Variants in ANKRD11 observed in about 807,000 individuals in gnomAD.
The protein encoded by ANKRD11 is ankyrin repeat domain-containing protein 11.
A neutral mutation model predicts 195.7 loss-of-function variants in ANKRD11; 17 were observed. That is an observed-to-expected ratio of 0.09 (90% CI 0.06 to 0.13). ANKRD11 has a LOEUF of 0.13. ANKRD11 is among the 10% of genes least tolerant of loss of function. The pLI is 1.00. For synonymous variants in ANKRD11, 1,953 were observed against 1,528.1 expected, an observed-to-expected ratio of 1.28 and a Z score of -6.49; for missense variants, 3,735 against 3,566.1, an observed-to-expected ratio of 1.05 and a Z score of -1.21.
At chr16:89,459,160 G>T in intron 1 of ANKRD11, 1 of 179,780 alleles carries the variant, frequency 5.6e-6, no homozygotes, top group Non-Finnish European at 1.2e-5. Context: ...CAACCTTCAA[G>T]GTTGGGCCAA....
intron 4 of ANKRD11, among the ~76,000 whole-genome samples, chr16:89,302,690 C>T (rs1018599705): frequency 4.6e-5 from 7 of 152,130 alleles, no homozygotes; most frequent in African/African-American, 1.7e-4. Flanking sequence ...AAATTGGCCC[C>T]GAAAGGGTGA....
Position 89,477,890 on chromosome 16 carries a change from G to A in ANKRD11, c.-145+12355C>T, listed in dbSNP as rs1389445434. 6.6e-5 allele frequency among the ~76,000 whole-genome samples: 10 copies of A among 151,678 alleles called. No individual in the cohort carries two copies. The East Asian group carries it at 9.7e-4, about 15-fold the overall frequency. ...GGAGAACTGCTTGAACGCAGGAGGC[G>A]AAGGTTTCAGTGAGCCAAGATCACG... is the stretch of plus-strand genomic sequence containing the variant. On this transcript the variant is annotated intron_variant, in intron 1 of 12. Coordinates refer to ENST00000301030, the MANE Select transcript of ANKRD11 (RefSeq NM_013275.6).
At chr16:89,302,374 T>G (rs987797873) in intron 4 of ANKRD11, among the ~76,000 whole-genome samples, 1 of 152,180 alleles carries the variant, frequency 6.6e-6, no homozygotes, top group African/African-American at 2.4e-5. Context: ...TGCCTCAGCC[T>G]CCCGAGTAGC....
intron 2 of ANKRD11, among the ~76,000 whole-genome samples, chr16:89,337,178 C>G (rs180709499): frequency 6.6e-6 from 1 of 151,784 alleles, no homozygotes; most frequent in East Asian, 1.9e-4. Context: ...AGAGTGAGAC[C>G]CTGTCTCAAA....
Position 89,281,845 on chromosome 16 carries a change from G to T in ANKRD11, c.4697C>A (p.Ala1566Asp). 1 of 1,614,016 alleles carries T rather than the reference G, an allele frequency of 6.2e-7. No homozygotes were observed. The highest frequency in any genetic ancestry group is 8.5e-7 in the Non-Finnish European group (1 of 1,180,018). ...APSKDPGKKD[A>D]RPREKLLGDG... ...CCCCAGGAGCTTCTCCCTGGGCCTG[G>T]CGTCTTTCTTGCCTGGGTCTTTGGA... Residue 1566 changes from alanine to aspartate, a missense_variant, in exon 9 of 13, where the codon GCC becomes GAC. By Grantham distance (126) the Ala-to-Asp change is moderately radical. Transcript: ENST00000301030. This position sits in a 1 kb window ranked among gnomAD's most constrained non-coding sequence, Gnocchi z 5.5.
chr16:89,359,343 G>A (rs745667982), intron 2 of ANKRD11, among the ~76,000 whole-genome samples: 9 of 152,198 alleles, frequency 5.9e-5, no homozygotes, highest in Admixed American at 1.3e-4. Context: ...TCAATCGCAC[G>A]TACAGCCCTT....
chr16:89,401,279 A>C (rs1174945376), intron 2 of ANKRD11, among the ~76,000 whole-genome samples: 1 of 152,064 alleles, frequency 6.6e-6, no homozygotes, highest in Non-Finnish European at 1.5e-5. Context: ...GGGTTTCGCC[A>C]TGTTAGCCAG....
intron 1 of ANKRD11, among the ~76,000 whole-genome samples, chr16:89,457,586 GAAA>G (rs34361547): frequency 7.9e-6 from 1 of 125,900 alleles, no homozygotes; most frequent in Admixed American, 8.0e-5. Flanking sequence ...TCCGTCTCAA[GAAA>G]AAAAAAAAAA....
intron 3 of ANKRD11, among the ~76,000 whole-genome samples, chr16:89,306,200 C>T (rs1256849828): frequency 5.7e-4 from 65 of 114,534 alleles, no homozygotes; most frequent in African/African-American, 2.2e-3. Flanking sequence ...TCCCACTCCG[C>T]AGACACGCGC....
chr16:89,292,637 G>A (rs1427643256), intron 4 of ANKRD11, among the ~76,000 whole-genome samples: 2 of 152,208 alleles, frequency 1.3e-5, no homozygotes, highest in East Asian at 1.9e-4. Flanking sequence ...AGTACTGCAG[G>A]CTGCCATCGC....
intron 2 of ANKRD11, among the ~76,000 whole-genome samples, chr16:89,397,262 C>T (rs1263401651): frequency 6.6e-6 from 1 of 152,236 alleles, no homozygotes; most frequent in African/African-American, 2.4e-5. Context: ...AGGCATCCAC[C>T]TCCAGGACAG....
chr16:89,436,580 G>A (rs546510302), intron 1 of ANKRD11, among the ~76,000 whole-genome samples: 18 of 152,294 alleles, frequency 1.2e-4, no homozygotes, highest in Admixed American at 9.2e-4. Context: ...TTCCGCAAGA[G>A]CAGGACTGAA....
At chr16:89,392,152 C>G (rs2041227330) in intron 2 of ANKRD11, among the ~76,000 whole-genome samples, 1 of 152,360 alleles carries the variant, frequency 6.6e-6, no homozygotes, top group South Asian at 2.1e-4. Flanking sequence ...TATAAAAAAA[C>G]CGGACACAGC....
chr16:89,317,509 G>C (rs2037037100), intron 2 of ANKRD11, among the ~76,000 whole-genome samples: 1 of 152,158 alleles, frequency 6.6e-6, no homozygotes, highest in Admixed American at 6.5e-5. Flanking sequence ...AGGTCTGGCA[G>C]GTCATGTCCA....
At chr16:89,476,164 A>T (rs1434498998) in intron 1 of ANKRD11, among the ~76,000 whole-genome samples, 1 of 152,218 alleles carries the variant, frequency 6.6e-6, no homozygotes, top group African/African-American at 2.4e-5. Flanking sequence ...TCACATCAAA[A>T]TACCAAAACT....
intron 2 of ANKRD11, among the ~76,000 whole-genome samples, chr16:89,383,924 C>G (rs1170479885): frequency 3.3e-5 from 5 of 152,216 alleles, no homozygotes; most frequent in Admixed American, 3.3e-4. Flanking sequence ...AACTCACCTC[C>G]CACTGACGAA....
chr16:89,489,535 G>A (rs1342482917), intron 1 of ANKRD11, among the ~76,000 whole-genome samples: 4 of 151,208 alleles, frequency 2.6e-5, no homozygotes, highest in Non-Finnish European at 5.9e-5. Context: ...CTCCGGCTCG[G>A]AGCCCGAGAG....
intron 2 of ANKRD11, among the ~76,000 whole-genome samples, chr16:89,362,345 G>A (rs2039766953): frequency 6.6e-6 from 1 of 152,178 alleles, no homozygotes; most frequent in East Asian, 1.9e-4. Context: ...TGCACAGCCC[G>A]CAGTCCTTGC....
At chr16:89,310,039 T>C (rs765304778) in intron 3 of ANKRD11, among the ~76,000 whole-genome samples, 1 of 152,208 alleles carries the variant, frequency 6.6e-6, no homozygotes, top group African/African-American at 2.4e-5. Flanking sequence ...AAAGAGAAAG[T>C]TGTAGTAACT....
Sources: gnomAD v4.1 joint callset for allele counts (sites outside exome capture counted in the v4.1 genomes callset) on GRCh38, gnomAD v4.1.1 for gene constraint, Gnocchi (gnomAD v3.1) non-coding constraint, MANE v1.5 for transcripts, NCBI Gene and HGNC (gene_info 2026-07-23, HGNC 2026-07-21) for gene names.